APBB1IP: variants seen among roughly 807,000 people sequenced by gnomAD.
The protein encoded by APBB1IP is amyloid beta A4 precursor protein-binding family B member 1-interacting protein.
Under a neutral mutation model 64.9 loss-of-function variants are expected in APBB1IP, and 27 were observed. The observed-to-expected ratio is 0.42, with a 90% CI of 0.31 to 0.57. The LOEUF (loss-of-function observed/expected upper bound fraction) is 0.57, where lower values mean the gene tolerates loss of function less well. Among genes scored for constraint, APBB1IP ranks in the 20% least tolerant of loss-of-function variants. The probability of loss-of-function intolerance (pLI) is 0.20; values close to 1 mark genes in which losing one functional copy is unlikely to be tolerated. For synonymous variants in APBB1IP, 392 were observed against 331.0 expected (o/e 1.18, Z -2.00); for missense variants, 812 against 845.5 (o/e 0.96, Z 0.49).
chr10:26,510,734 T>TCACACACA (rs1554776713), intron 6 of APBB1IP, among the ~76,000 whole-genome samples: 3,650 of 135,878 alleles, frequency 0.027, 168 homozygotes, highest in African/African-American at 0.095. Flanking sequence ...AGACCCTGTC[T>TCACACACA]CACACACACA....
At chr10:26,563,558 C>A (rs1052358418) in intron 14 of APBB1IP, among the ~76,000 whole-genome samples, 1 of 152,106 alleles carries the variant, frequency 6.6e-6, no homozygotes, top group Non-Finnish European at 1.5e-5. Flanking sequence ...AAAATCATAA[C>A]TAATAATTAT....
intron 11 of APBB1IP, among the ~76,000 whole-genome samples, chr10:26,557,627 T>A (rs1836910180): frequency 6.6e-6 from 1 of 152,160 alleles, no homozygotes; most frequent in African/African-American, 2.4e-5. Flanking sequence ...TCTAGTGGGG[T>A]CACAGGGAGG....
intron 2 of APBB1IP, among the ~76,000 whole-genome samples, chr10:26,449,532 G>C (rs535573770): frequency 6.6e-6 from 1 of 152,134 alleles, no homozygotes; most frequent in East Asian, 1.9e-4. Flanking sequence ...GTTTTGTTTT[G>C]TGTGTGTGTC....
chr10:26,528,099 C>A (rs1009061284), intron 8 of APBB1IP, among the ~76,000 whole-genome samples: 1 of 152,214 alleles, frequency 6.6e-6, no homozygotes, highest in African/African-American at 2.4e-5. Context: ...GCACCTCAAG[C>A]TCTCTGCTTA....
chr10:26,446,875 G>GATAGAT (rs1403817076), intron 2 of APBB1IP, among the ~76,000 whole-genome samples: 33,366 of 151,320 alleles, frequency 0.22, 3,821 homozygotes, highest in South Asian at 0.33. Context: ...GATAGATAGA[G>GATAGAT]AGAGAGATAG....
chr10:26,481,826 CG>C (rs1564356978), intron 2 of APBB1IP, among the ~76,000 whole-genome samples: 6,888 of 143,340 alleles, frequency 0.048, 520 homozygotes, highest in African/African-American at 0.16. Context: ...CATCTCATTA[CG>C]TGTGTGTGTG....
rs1203695263 is a variant in APBB1IP, at chr10:26,463,556, T to C, written c.-1+24703T>C. On this transcript the variant is annotated intron_variant, in intron 2 of 14. Coordinates refer to ENST00000376236, the MANE Select transcript of APBB1IP (RefSeq NM_019043.4). Reference sequence around the variant, plus strand: ...TGGATGGGAATCTGCCTGACTGTTATGGTGTCCCAAGCTTTCTGGGCACTG... The same window carrying C: ...TGGATGGGAATCTGCCTGACTGTTACGGTGTCCCAAGCTTTCTGGGCACTG... 2.0e-5 allele frequency among the ~76,000 whole-genome samples: 3 copies of C among 152,302 alleles called. 1 individual carries two copies. The highest frequency in any genetic ancestry group is 2.1e-4 in the South Asian group (1 of 4,830).
intron 2 of APBB1IP, among the ~76,000 whole-genome samples, chr10:26,485,557 G>A (rs551319624): frequency 1.3e-5 from 2 of 152,346 alleles, no homozygotes; most frequent in South Asian, 4.1e-4. Context: ...AACAAAAAGA[G>A]TGTGATTCAG....
At chr10:26,468,414 A>G (rs768583913) in intron 2 of APBB1IP, among the ~76,000 whole-genome samples, 4 of 152,214 alleles carry the variant, frequency 2.6e-5, no homozygotes, top group Non-Finnish European at 4.4e-5. Flanking sequence ...TTTGCATTCC[A>G]TAAATGCTTC....
intron 2 of APBB1IP, among the ~76,000 whole-genome samples, chr10:26,468,721 A>C (rs944682468): frequency 6.6e-6 from 1 of 152,220 alleles, no homozygotes; most frequent in Non-Finnish European, 1.5e-5. Context: ...TGGTCCAGCC[A>C]TCCTTGGTGG....
intron 11 of APBB1IP, among the ~76,000 whole-genome samples, chr10:26,551,461 C>G (rs1446261600): frequency 6.6e-6 from 1 of 152,230 alleles, no homozygotes; most frequent in Non-Finnish European, 1.5e-5. Context: ...CCCAGTCTCA[C>G]TCACGGTCAG....
chr10:26,493,585 A>T (rs889807616), intron 3 of APBB1IP, among the ~76,000 whole-genome samples: 3 of 152,178 alleles, frequency 2.0e-5, no homozygotes, highest in African/African-American at 4.8e-5. Flanking sequence ...CACCCTGAAG[A>T]TTGGCAACAT....
chr10:26,496,921 C>T (rs1374601792), intron 4 of APBB1IP, among the ~76,000 whole-genome samples: 1 of 151,976 alleles, frequency 6.6e-6, no homozygotes, highest in Non-Finnish European at 1.5e-5. Flanking sequence ...TGCATGATGG[C>T]TCACACCTGT....
At chr10:26,506,981 G>C (rs1246021980) in intron 6 of APBB1IP, among the ~76,000 whole-genome samples, 2 of 152,122 alleles carry the variant, frequency 1.3e-5, no homozygotes, top group African/African-American at 4.8e-5. Context: ...TGTGGTGCTG[G>C]GGGGCATTCC....
chr10:26,448,340 A>G (rs1835424758), intron 2 of APBB1IP, among the ~76,000 whole-genome samples: 1 of 152,176 alleles, frequency 6.6e-6, no homozygotes, highest in South Asian at 2.1e-4. Flanking sequence ...CAGTAATAGT[A>G]AAATTATTAA....
rs753734309 is a variant in APBB1IP at position 26,517,811 on chromosome 10, G to A, written c.813+4151G>A. On this transcript the variant is annotated intron_variant, in intron 8 of 14. Coordinates refer to ENST00000376236, the MANE Select transcript of APBB1IP (RefSeq NM_019043.4). ...GATGGATATTTGACTTGTTTCTAGC[G>A]TGGGGCTTTAACAAGTAATGCTGTT... is the stretch of plus-strand genomic sequence containing the variant. Among the ~76,000 whole-genome samples, 20 of 152,168 alleles carry A rather than the reference G, an allele frequency of 1.3e-4. 1 individual carries two copies. Among genetic ancestry groups the A allele is most frequent in the South Asian group, 4.1e-4 (2 of 4,822 alleles).
chr10:26,514,154 A>C (rs1194275835), intron 8 of APBB1IP, among the ~76,000 whole-genome samples: 1 of 152,214 alleles, frequency 6.6e-6, no homozygotes, highest in Admixed American at 6.5e-5. Flanking sequence ...GTACGCTAAC[A>C]GTCCTTTGAA....
intron 2 of APBB1IP, among the ~76,000 whole-genome samples, chr10:26,479,668 T>A (rs1588578486): frequency 6.6e-6 from 1 of 152,358 alleles, no homozygotes; most frequent in South Asian, 2.1e-4. Context: ...TTTATGATGA[T>A]TAAATAACTT....
intron 11 of APBB1IP, among the ~76,000 whole-genome samples, chr10:26,548,316 T>C (rs573466618): frequency 1.1e-4 from 17 of 151,908 alleles, no homozygotes; most frequent in African/African-American, 3.4e-4. Context: ...TAGGTATGTC[T>C]CCTAATGCTA....
Sources: gnomAD v4.1 joint callset for allele counts (sites outside exome capture counted in the v4.1 genomes callset) on GRCh38, gnomAD v4.1.1 for gene constraint, MANE v1.5 for transcripts, NCBI Gene and HGNC (gene_info 2026-07-23, HGNC 2026-07-21) for gene names.